TENM3: variants seen among roughly 807,000 people sequenced by gnomAD.
TENM3 encodes teneurin transmembrane protein 3.
A neutral mutation model predicts 255.1 loss-of-function variants in TENM3; 63 were observed. That is an observed-to-expected ratio of 0.25 (90% CI 0.20 to 0.30). The LOEUF is 0.30. TENM3 is among the 10% of genes least tolerant of loss of function. TENM3 has a pLI of 1.00. For synonymous variants in TENM3, 1,306 were observed against 1,322.3 expected (o/e 0.99, Z 0.27); for missense variants, 2,929 against 3,461.1 (o/e 0.85, Z 3.86).
At chr4:181,959,348 T>TG in the TENM3 span, among the ~76,000 whole-genome samples, 1 of 152,140 alleles carries the variant, frequency 6.6e-6, no homozygotes, top group East Asian at 1.9e-4. Context: ...TCACTGAAGC[T>TG]GGGGGCAGCC....
the TENM3 span, among the ~76,000 whole-genome samples, chr4:181,831,499 C>A: frequency 2.3e-3 from 334 of 144,152 alleles, no homozygotes; most frequent in Middle Eastern, 3.6e-3. Flanking sequence ...GCCTATGTGC[C>A]AAAAAAAAAA....
intron 18 of TENM3, among the ~76,000 whole-genome samples, chr4:182,742,227 A>G (rs1301328889): frequency 1.3e-5 from 2 of 152,216 alleles, no homozygotes; most frequent in Non-Finnish European, 2.9e-5. Flanking sequence ...TTACAATCTC[A>G]ACTCAAATCT....
At position 182,773,619 on chromosome 4, in the gene TENM3, G is replaced by A. The variant is rs772575411; in HGVS notation, c.5040G>A (p.Ser1680=). 3.1e-6 allele frequency: 5 copies of A among 1,612,924 alleles called. No homozygotes were observed. The highest frequency in any genetic ancestry group is 1.7e-5 in the Admixed American group (1 of 59,888). Residue 1680 remains serine (S), a synonymous_variant, in exon 23 of 28, where the codon TCG becomes TCA. Coordinates refer to ENST00000511685, the MANE Select transcript of TENM3 (RefSeq NM_001080477.4). ...EDVSITSNLS[S]IDSFYTMVQD... is the part of the protein sequence containing the mutation. The stretch of plus-strand genomic sequence containing the variant: ...TCAGCATCACTTCAAATCTGTCCTC[G>A]ATCGATTCTTTCTACACCATGGTTC...
At chr4:182,308,682 C>A (rs10520525) in intron 1 of TENM3, among the ~76,000 whole-genome samples, 15,316 of 152,054 alleles carry the variant, frequency 0.1, 1,105 homozygotes, top group African/African-American at 0.2. Context: ...TCTAGGAAAT[C>A]CAGAACCACA....
chr4:182,617,408 A>T (rs1245964388), intron 4 of TENM3, among the ~76,000 whole-genome samples: 2 of 152,224 alleles, frequency 1.3e-5, no homozygotes, highest in Admixed American at 1.3e-4. Flanking sequence ...AGTTAATTTT[A>T]GCCTTCATGT....
upstream of TENM3, among the ~76,000 whole-genome samples, chr4:182,242,085 CATAT>C (rs1757312187): frequency 1.7e-5 from 1 of 59,776 alleles, no homozygotes; most frequent in African/African-American, 2.1e-4. Flanking sequence ...AGGTTTGTTA[CATAT>C]ATATACATGT....
At chr4:182,511,296 A>T (rs1332974855) in intron 3 of TENM3, among the ~76,000 whole-genome samples, 3 of 152,202 alleles carry the variant, frequency 2.0e-5, no homozygotes, top group Middle Eastern at 6.3e-3. Context: ...ACGTGTTTTG[A>T]GCCTTTCAAA....
chr4:182,544,482 C>G lies in TENM3; in HGVS notation c.512-56442C>G, dbSNP rs148289609. 8.9e-4 allele frequency among the ~76,000 whole-genome samples: 135 copies of G among 152,020 alleles called. No homozygotes were observed. The East Asian group carries it at 0.02, about 23-fold the overall frequency. ...AGTAGCCGGGATTACAGGGGCCCAC[C>G]ACCATGCCTGGCTAATTTTTATATT... On this transcript the variant is annotated intron_variant, in intron 3 of 27. Transcript: ENST00000511685.
intron 2 of TENM3, among the ~76,000 whole-genome samples, chr4:182,331,246 T>G (rs951032426): frequency 6.6e-6 from 1 of 152,164 alleles, no homozygotes; most frequent in Non-Finnish European, 1.5e-5. Flanking sequence ...CACCTAAAAT[T>G]TAAATGTACT....
intron 3 of TENM3, among the ~76,000 whole-genome samples, chr4:182,527,790 C>T (rs1739366445): frequency 6.6e-6 from 1 of 152,072 alleles, no homozygotes; most frequent in South Asian, 2.1e-4. Flanking sequence ...TACAGCGGCA[C>T]AATCTCGGCT....
the TENM3 span, among the ~76,000 whole-genome samples, chr4:182,106,671 T>TG: frequency 6.6e-6 from 1 of 152,122 alleles, no homozygotes; most frequent in African/African-American, 2.4e-5. Flanking sequence ...TTAGAGTCTT[T>TG]GGGGTAGCTT....
At chr4:182,642,518 A>G (rs1215711987) in intron 5 of TENM3, among the ~76,000 whole-genome samples, 1 of 152,240 alleles carries the variant, frequency 6.6e-6, no homozygotes, top group African/African-American at 2.4e-5. Context: ...CCTGGCAGAA[A>G]CAAACCTTCA....
intron 24 of TENM3, among the ~76,000 whole-genome samples, chr4:182,785,217 C>T (rs904338213): frequency 2.0e-5 from 3 of 151,702 alleles, no homozygotes; most frequent in African/African-American, 7.3e-5. Context: ...GCTGGGACTA[C>T]AGGCACCTCC....
rs1169161689 is a variant in TENM3 at position 182,731,030 on chromosome 4, G to C, written c.2858G>C (p.Ser953Thr). 6.2e-7 allele frequency: 1 copy of C among 1,613,828 alleles called. No homozygotes were observed. Among genetic ancestry groups the C allele is most frequent in the East Asian group, 2.2e-5 (1 of 44,888 alleles). The stretch of plus-strand genomic sequence containing the variant: ...AAGAAAGAAGAGAATGACATTCCCA[G>C]CTGTGATCTGAGTGGATTCGTGAGG... Reference protein sequence around the residue: ...VMKKEENDIPSCDLSGFVRPN... With the variant: ...VMKKEENDIPTCDLSGFVRPN... Residue 953 changes from serine (S) to threonine (T), a missense_variant, in exon 16 of 28, where the codon AGC becomes ACC. Ser to Thr is a moderately conservative substitution (Grantham distance 58). Coordinates refer to ENST00000511685, the MANE Select transcript of TENM3 (RefSeq NM_001080477.4).
intron 3 of TENM3, among the ~76,000 whole-genome samples, chr4:182,506,582 T>G (rs1016202327): frequency 6.6e-6 from 1 of 152,306 alleles, no homozygotes; most frequent in Admixed American, 6.5e-5. Context: ...GTATTAAAAT[T>G]AAAAAATAGT....
At chr4:181,910,095 A>G in the TENM3 span, among the ~76,000 whole-genome samples, 1 of 152,198 alleles carries the variant, frequency 6.6e-6, no homozygotes, top group East Asian at 1.9e-4. Flanking sequence ...TAAAGTAATG[A>G]CACCTTCTTG....
chr4:181,941,170 A>G, the TENM3 span, among the ~76,000 whole-genome samples: 3 of 152,188 alleles, frequency 2.0e-5, no homozygotes, highest in African/African-American at 7.2e-5. Flanking sequence ...CACGTATGAG[A>G]TCATGTGTAT....
the TENM3 span, among the ~76,000 whole-genome samples, chr4:182,075,500 C>T: frequency 1.3e-5 from 2 of 152,050 alleles, no homozygotes; most frequent in African/African-American, 4.8e-5. Flanking sequence ...GCTCAGCCGA[C>T]AGTTGGTTTT....
intron 22 of TENM3, among the ~76,000 whole-genome samples, chr4:182,762,491 CT>C (rs1461498703): frequency 1.3e-5 from 2 of 152,182 alleles, no homozygotes; most frequent in Non-Finnish European, 2.9e-5. Flanking sequence ...TGCAAGAGAA[CT>C]TTTCATGTTT....
Sources: allele counts gnomAD v4.1 joint callset (sites outside exome capture counted in the v4.1 genomes callset), GRCh38; gene constraint gnomAD v4.1.1; transcripts MANE v1.5; gene names NCBI Gene and HGNC (gene_info 2026-07-23, HGNC 2026-07-21).